The following CLASP1 variants were observed in gnomAD, a reference collection of about 807,000 sequenced individuals.
CLASP1 encodes cytoplasmic linker associated protein 1.
In CLASP1, 38 loss-of-function variants were observed where a neutral mutation model predicts 192.3. The observed-to-expected ratio is 0.20, with a 90% CI of 0.15 to 0.26. The LOEUF (loss-of-function observed/expected upper bound fraction) is 0.26. Among genes scored for constraint, CLASP1 ranks in the 10% least tolerant of loss-of-function variants. CLASP1 has a pLI of 1.00. For synonymous variants in CLASP1, 691 were observed against 712.8 expected (o/e 0.97, Z 0.49); for missense variants, 1,433 against 1,932.5 (o/e 0.74, Z 4.85).
chr2:121,416,344 A>C (rs2078573905), intron 23 of CLASP1, among the ~76,000 whole-genome samples: 1 of 152,174 alleles, frequency 6.6e-6, no homozygotes, highest in Non-Finnish European at 1.5e-5. Flanking sequence ...TACCATCAAA[A>C]TGGTCCAAAA....
intron 8 of CLASP1, among the ~76,000 whole-genome samples, chr2:121,481,681 T>C (rs992797548): frequency 2.6e-5 from 4 of 152,232 alleles, no homozygotes; most frequent in Non-Finnish European, 5.9e-5. Flanking sequence ...ATTTTGTTAC[T>C]TCTGTAATAA....
At chr2:121,464,132 G>A (rs1489731749) in intron 9 of CLASP1, among the ~76,000 whole-genome samples, 1 of 151,748 alleles carries the variant, frequency 6.6e-6, no homozygotes, top group Non-Finnish European at 1.5e-5. Flanking sequence ...TACCGAGAAT[G>A]ATGATTTCCA....
chr2:121,577,410 A>G (rs2060631958), intron 2 of CLASP1, among the ~76,000 whole-genome samples: 1 of 152,234 alleles, frequency 6.6e-6, no homozygotes, highest in African/African-American at 2.4e-5. Flanking sequence ...AAATGACCAT[A>G]TTTCAACAAG....
chr2:121,357,038 T>C (rs752515101), intron 37 of CLASP1, among the ~76,000 whole-genome samples: 5 of 152,180 alleles, frequency 3.3e-5, no homozygotes, highest in Non-Finnish European at 7.3e-5. Context: ...CTCTTTGGCA[T>C]TCTAATTCCG....
intron 1 of CLASP1, among the ~76,000 whole-genome samples, chr2:121,646,139 G>A (rs747375038): frequency 2.0e-5 from 3 of 152,086 alleles, no homozygotes; most frequent in Non-Finnish European, 2.9e-5. Context: ...TTTAGACAAG[G>A]TATCACTCTG....
chr2:121,609,553 G>A (rs200597055), intron 1 of CLASP1, among the ~76,000 whole-genome samples: 1 of 151,678 alleles, frequency 6.6e-6, no homozygotes, highest in Non-Finnish European at 1.5e-5. Context: ...CTATTTTCAG[G>A]GAATATTAAT....
chr2:121,524,307 A>AT lies in CLASP1; in HGVS notation c.546+1537_546+1538insA, dbSNP rs2094523546. ...GAAAACAAAAACAGAAACAAAACCA[A>AT]AAGGGAGGAAGGATACAAAACGATA... On this transcript the variant is annotated intron_variant, in intron 6 of 39. Coordinates refer to ENST00000263710, the Ensembl canonical transcript of CLASP1. Among the ~76,000 whole-genome samples the AT allele has an allele frequency of 2.6e-5, 4 of 152,206 alleles. 1 individual carries two copies. In the South Asian group the frequency reaches 8.3e-4, roughly 31 times the overall value.
chr2:121,530,980 G>C lies in CLASP1; in HGVS notation c.196-655C>G, dbSNP rs192674805. On this transcript the variant is annotated intron_variant, in intron 2 of 39. Transcript: ENST00000263710. ...CACACCCGCATCAACTAGAGCTTTTGCTTTATTTTGGTGCAATTTTTGGAA... is the reference window on the plus strand; with the variant it reads ...CACACCCGCATCAACTAGAGCTTTTCCTTTATTTTGGTGCAATTTTTGGAA... 5.7e-6 allele frequency: 4 copies of C among 700,212 alleles called. No individual in the cohort carries two copies. In the East Asian group the frequency reaches 8.0e-5, roughly 14 times the overall value. The allele number at this position is 700,212 out of a possible 1,614,324, so 43.4% of individuals were successfully genotyped here.
At chr2:121,625,289 C>G (rs931118704) in intron 1 of CLASP1, among the ~76,000 whole-genome samples, 3 of 152,068 alleles carry the variant, frequency 2.0e-5, no homozygotes, top group Non-Finnish European at 1.5e-5. Flanking sequence ...TGTGCATGTA[C>G]AAATGAAAAG....
intron 20 of CLASP1, 27 bp downstream of exon 20, chr2:121,430,046 A>T: frequency 6.7e-7 from 1 of 1,500,718 alleles, no homozygotes; most frequent in Non-Finnish European, 9.1e-7. Context: ...AACTGAGGTA[A>T]GCAAGAGCAT....
At chr2:121,458,000 G>T (rs1252285872) in intron 13 of CLASP1, among the ~76,000 whole-genome samples, 1 of 152,170 alleles carries the variant, frequency 6.6e-6, no homozygotes, top group East Asian at 1.9e-4. Flanking sequence ...TTAGTATGAG[G>T]TCTAAATTAT....
intron 1 of CLASP1, among the ~76,000 whole-genome samples, chr2:121,632,986 G>GTA (rs1164858706): frequency 8.0e-5 from 10 of 125,120 alleles, no homozygotes; most frequent in South Asian, 7.2e-4. Context: ...GTGTGTGTGT[G>GTA]TATATATATG....
At chr2:121,515,787 C>G (rs370795258) in intron 6 of CLASP1, 25 bp from the exon 7 acceptor site, 7 of 1,597,714 alleles carry the variant, frequency 4.4e-6, no homozygotes, top group African/African-American at 1.3e-5. Flanking sequence ...AGAGATCTTA[C>G]AGCTGCTCTG....
intron 2 of CLASP1, among the ~76,000 whole-genome samples, chr2:121,562,234 G>A (rs1422022908): frequency 2.0e-5 from 3 of 152,220 alleles, no homozygotes; most frequent in African/African-American, 7.2e-5. Flanking sequence ...CCACAGCACA[G>A]GAACCTGGGC....
intron 1 of CLASP1, 48 bp from the exon 2 acceptor site, chr2:121,606,228 A>G (rs2064389306): frequency 2.5e-6 from 1 of 402,942 alleles, no homozygotes. Flanking sequence ...ATAACATAAC[A>G]CCCAAATGTT....
intron 8 of CLASP1, among the ~76,000 whole-genome samples, chr2:121,484,054 G>C (rs1331591677): frequency 6.6e-6 from 1 of 152,174 alleles, no homozygotes; most frequent in Admixed American, 6.5e-5. Flanking sequence ...AGCTTAGGAG[G>C]AATCAACATC....
intron 26 of CLASP1, 21 bp downstream of exon 27, chr2:121,404,350 C>T (rs749690298): frequency 6.2e-7 from 1 of 1,609,272 alleles, no homozygotes; most frequent in Non-Finnish European, 8.5e-7. Context: ...AAAGACAGGG[C>T]AGGCATGACT....
chr2:121,633,028 A>ATATATATATATAT (rs71398039), intron 1 of CLASP1, among the ~76,000 whole-genome samples: 1 of 137,544 alleles, frequency 7.3e-6, no homozygotes, highest in African/African-American at 2.9e-5. Context: ...ATATATATAT[A>ATATATATATATAT]GGCTTTTTTT....
chr2:121,597,011 A>T (rs1209270088), intron 2 of CLASP1, among the ~76,000 whole-genome samples: 2 of 152,206 alleles, frequency 1.3e-5, no homozygotes, highest in East Asian at 3.9e-4. Flanking sequence ...GATGAAGCCC[A>T]CACAGACTGG....
Sources: allele counts gnomAD v4.1 joint callset (sites outside exome capture counted in the v4.1 genomes callset), GRCh38; gene constraint gnomAD v4.1.1; transcripts MANE v1.5; gene names NCBI Gene and HGNC (gene_info 2026-07-23, HGNC 2026-07-21).